Variants in NPFFR2 observed in about 807,000 individuals in gnomAD.
NPFFR2 encodes G-protein coupled receptor 74.
Under a neutral mutation model 13.1 loss-of-function variants are expected in NPFFR2, and 15 were observed. The ratio of observed to expected loss-of-function variants is 1.15; its 90% CI spans 0.77 to 1.76. NPFFR2 has a LOEUF of 1.76. Ranked by LOEUF, NPFFR2 falls within the 40% of genes most tolerant of loss-of-function variation. The pLI is 0.00. For synonymous variants in NPFFR2, 190 were observed against 175.7 expected, an observed-to-expected ratio of 1.08 and a Z score of -0.65; for missense variants, 572 against 503.5, an observed-to-expected ratio of 1.14 and a Z score of -1.30.
chr4:72,041,785 G>A (rs888616206), intron 1 of NPFFR2, among the ~76,000 whole-genome samples: 5 of 152,094 alleles, frequency 3.3e-5, no homozygotes, highest in African/African-American at 9.7e-5. Context: ...TTGACTGCTC[G>A]TATGTCTTCT....
At chr4:72,056,984 AT>A (rs968672081) in intron 1 of NPFFR2, among the ~76,000 whole-genome samples, 2 of 151,984 alleles carry the variant, frequency 1.3e-5, no homozygotes, top group African/African-American at 4.8e-5. Flanking sequence ...TGCTGTGGAC[AT>A]TGTTGAAATG....
chr4:72,098,631 C>T (rs1425237197), intron 1 of NPFFR2, among the ~76,000 whole-genome samples: 1 of 152,100 alleles, frequency 6.6e-6, no homozygotes, highest in Non-Finnish European at 1.5e-5. Flanking sequence ...ATCTTTGTGG[C>T]TTACAACAAT....
At chr4:72,127,654 C>T (rs754278248) in intron 1 of NPFFR2, among the ~76,000 whole-genome samples, 50 of 149,412 alleles carry the variant, frequency 3.3e-4, no homozygotes, top group African/African-American at 1.0e-3. Context: ...TGAGCCACCG[C>T]GCCCGGCCCA....
chr4:72,073,744 T>C (rs989167028), intron 1 of NPFFR2, among the ~76,000 whole-genome samples: 1 of 151,974 alleles, frequency 6.6e-6, no homozygotes, highest in East Asian at 1.9e-4. Context: ...CTAAAAAAGG[T>C]AGTGCTGAAG....
intron 1 of NPFFR2, among the ~76,000 whole-genome samples, chr4:72,125,131 T>C (rs1722000829): frequency 6.6e-6 from 1 of 152,170 alleles, no homozygotes; most frequent in Non-Finnish European, 1.5e-5. Flanking sequence ...GAACAGACAC[T>C]TCTCAAAAGA....
intron 1 of NPFFR2, among the ~76,000 whole-genome samples, chr4:72,052,770 T>A (rs1719626545): frequency 6.6e-6 from 1 of 151,980 alleles, no homozygotes; most frequent in African/African-American, 2.4e-5. Context: ...ATAAGAAACA[T>A]TTACAATCTA....
At chr4:72,122,483 A>G (rs753176153) in intron 1 of NPFFR2, among the ~76,000 whole-genome samples, 1 of 152,198 alleles carries the variant, frequency 6.6e-6, no homozygotes, top group Non-Finnish European at 1.5e-5. Flanking sequence ...TTATTCTAAA[A>G]TTGACCACAT....
chr4:72,094,493 C>T (rs4642217), intron 1 of NPFFR2, among the ~76,000 whole-genome samples: 140,369 of 152,150 alleles, frequency 0.92, 65,704 homozygotes, highest in East Asian at 1. Context: ...GTTAGGAGCT[C>T]AGACTCTCCT....
intron 1 of NPFFR2, among the ~76,000 whole-genome samples, chr4:72,032,887 C>CA (rs546621590): frequency 4.7e-4 from 71 of 152,196 alleles, no homozygotes; most frequent in Admixed American, 2.2e-3. Flanking sequence ...AACTAAAAAC[C>CA]AAAAATACAT....
At chr4:72,130,775 G>A (rs1032726050) in intron 2 of NPFFR2, among the ~76,000 whole-genome samples, 14 of 152,166 alleles carry the variant, frequency 9.2e-5, no homozygotes, top group Non-Finnish European at 1.5e-5. Flanking sequence ...GACCCCTGGA[G>A]CCCCAGAAAG....
intron 2 of NPFFR2, among the ~76,000 whole-genome samples, chr4:72,130,500 T>C (rs1445081093): frequency 6.6e-6 from 1 of 152,164 alleles, no homozygotes; most frequent in East Asian, 1.9e-4. Context: ...ACAGAAGTAC[T>C]TTACCTTACT....
rs182199282 is a variant in NPFFR2, at chr4:72,137,506, A to G, written c.329-534A>G. Among the ~76,000 whole-genome samples, 224 of 152,254 alleles carry G rather than the reference A, an allele frequency of 1.5e-3. 3 individuals are homozygous for G. Among genetic ancestry groups the G allele is most frequent in the Admixed American group, 0.012 (189 of 15,280 alleles). ...GGGGTTAATTGTCTCATTTCAGTCT[A>G]TATTAATAAAAACATTTTATTCTGT... On this transcript the variant is annotated intron_variant, in intron 2 of 3. Coordinates refer to ENST00000308744, the MANE Select transcript of NPFFR2 (RefSeq NM_004885.3).
At chr4:72,081,523 C>T (rs988448354) in intron 1 of NPFFR2, among the ~76,000 whole-genome samples, 3 of 144,480 alleles carry the variant, frequency 2.1e-5, no homozygotes, top group Non-Finnish European at 3.0e-5. Flanking sequence ...AGGTCTTGCT[C>T]TGTCACCCAG....
intron 1 of NPFFR2, among the ~76,000 whole-genome samples, chr4:72,119,114 A>T (rs1349207162): frequency 6.6e-6 from 1 of 152,170 alleles, no homozygotes; most frequent in Non-Finnish European, 1.5e-5. Flanking sequence ...GGATTAAAAA[A>T]TCTCTTCTAT....
At chr4:72,040,133 A>G (rs1044243540) in intron 1 of NPFFR2, among the ~76,000 whole-genome samples, 1 of 152,138 alleles carries the variant, frequency 6.6e-6, no homozygotes, top group Non-Finnish European at 1.5e-5. Flanking sequence ...GCCTTTGTTC[A>G]TAACTTTATC....
At chr4:72,115,654 G>A (rs966651536) in intron 1 of NPFFR2, among the ~76,000 whole-genome samples, 4 of 152,082 alleles carry the variant, frequency 2.6e-5, no homozygotes, top group African/African-American at 9.7e-5. Context: ...CATCTCTAAA[G>A]CCTCCATTTT....
At chr4:72,044,544 C>T (rs1294541309) in intron 1 of NPFFR2, among the ~76,000 whole-genome samples, 1 of 151,842 alleles carries the variant, frequency 6.6e-6, no homozygotes, top group Non-Finnish European at 1.5e-5. Context: ...TATCCACATT[C>T]TCACCAGTGT....
chr4:72,034,919 C>T (rs1169083944), intron 1 of NPFFR2, among the ~76,000 whole-genome samples: 1 of 152,204 alleles, frequency 6.6e-6, no homozygotes, highest in Admixed American at 6.5e-5. Context: ...TTTTCAAATA[C>T]AAGACTTCTA....
chr4:72,083,098 A>G lies in NPFFR2; in HGVS notation c.-7-45487A>G, dbSNP rs1260347271. On this transcript the variant is annotated intron_variant, in intron 1 of 3. Transcript: ENST00000308744. ...ACAACAGATAAATTGATAAAAAGTG[A>G]CATATGTATCACACTTGAATAATGG... is the stretch of plus-strand genomic sequence containing the variant. Among the ~76,000 whole-genome samples the G allele has an allele frequency of 2.0e-5, 3 of 152,112 alleles. No individual in the cohort carries two copies. In the East Asian group the frequency reaches 5.8e-4, roughly 29 times the overall value.
Sources: gnomAD v4.1 joint callset for allele counts (sites outside exome capture counted in the v4.1 genomes callset) on GRCh38, gnomAD v4.1.1 for gene constraint, MANE v1.5 for transcripts, NCBI Gene and HGNC (gene_info 2026-07-23, HGNC 2026-07-21) for gene names.